Variants in ITPR1 observed in about 807,000 individuals in gnomAD.
ITPR1 encodes inositol 1,4,5-trisphosphate-gated calcium channel ITPR1.
A neutral mutation model predicts 318.4 loss-of-function variants in ITPR1; 96 were observed. That is an observed-to-expected ratio of 0.30 (90% confidence interval 0.26 to 0.36). The LOEUF (loss-of-function observed/expected upper bound fraction) is 0.36, where lower values mean the gene tolerates loss of function less well. Ranked by LOEUF, ITPR1 falls within the 10% of genes least tolerant of loss-of-function variation. ITPR1 has a pLI of 1.00. For synonymous variants in ITPR1, 1,312 were observed against 1,289.9 expected, an observed-to-expected ratio of 1.02 and a Z score of -0.37; for missense variants, 2,440 against 3,460.2, an observed-to-expected ratio of 0.71 and a Z score of 7.40.
rs368375036 is a variant in ITPR1 at position 4,758,754 on chromosome 3, C to T, written c.5545-7776C>T. On this transcript the variant is annotated intron_variant, in intron 44 of 61. Transcript: ENST00000649015. ...AGAGCGTGCCTGGAGAACTGGAAGT[C>T]GGGAAACCTAAATTATGGCCTTGGC... Among the ~76,000 whole-genome samples, 99 of 152,276 alleles carry T rather than the reference C, an allele frequency of 6.5e-4. 1 individual carries two copies. The highest frequency in any genetic ancestry group is 1.3e-3 in the African/African-American group (52 of 41,540).
chr3:4,684,718 C>T (rs1312327110), intron 29 of ITPR1, among the ~76,000 whole-genome samples: 1 of 152,214 alleles, frequency 6.6e-6, no homozygotes, highest in Non-Finnish European at 1.5e-5. Flanking sequence ...GAAACCTTTG[C>T]GTACGCTGGT....
chr3:4,684,328 C>T lies in ITPR1; in HGVS notation c.3546C>T (p.Asn1182=). ...AGCATGAAAGCACCAGCAGCTACAA[C>T]TACAGAGTGGTCAAAGAGGTAAGCT... is the stretch of plus-strand genomic sequence containing the variant. ...PQKHESTSSY[N]YRVVKEILIR... Residue 1182 remains asparagine (N), a synonymous_variant, in exon 29 of 62, where the codon AAC becomes AAT. Transcript: ENST00000649015. 6.2e-7 allele frequency: 1 copy of T among 1,612,636 alleles called. No individual in the cohort carries two copies. The highest frequency in any genetic ancestry group is 8.5e-7 in the Non-Finnish European group (1 of 1,179,070).
intron 52 of ITPR1, 69 bp downstream of exon 52, chr3:4,788,208 T>C (rs1026322255): frequency 8.0e-7 from 1 of 1,255,604 alleles, no homozygotes; most frequent in Non-Finnish European, 1.1e-6. Flanking sequence ...TTGGGCTTGA[T>C]GGTGCGTTCA....
intron 33 of ITPR1, among the ~76,000 whole-genome samples, chr3:4,694,023 G>T (rs1174526684): frequency 6.6e-6 from 1 of 152,210 alleles, no homozygotes; most frequent in Non-Finnish European, 1.5e-5. Flanking sequence ...GAGCAAAGGG[G>T]ATATGACCTG....
At chr3:4,762,317 G>T (rs565386899) in intron 44 of ITPR1, among the ~76,000 whole-genome samples, 9 of 152,188 alleles carry the variant, frequency 5.9e-5, no homozygotes, top group Admixed American at 2.6e-4. Context: ...GTTAGCTATC[G>T]TGTTACTGTA....
At chr3:4,555,985 G>A (rs952398050) in intron 4 of ITPR1, among the ~76,000 whole-genome samples, 8 of 152,156 alleles carry the variant, frequency 5.3e-5, no homozygotes, top group Non-Finnish European at 8.8e-5. Context: ...TAGACACTGC[G>A]TCGTGCTGTG....
intron 60 of ITPR1, among the ~76,000 whole-genome samples, chr3:4,829,783 G>T (rs886237365): frequency 2.6e-5 from 4 of 151,870 alleles, no homozygotes; most frequent in Admixed American, 2.6e-4. Context: ...CAAATGACAC[G>T]TATCCACCTT....
intron 5 of ITPR1, among the ~76,000 whole-genome samples, chr3:4,632,485 C>T (rs143290185): frequency 2.9e-4 from 44 of 152,272 alleles, no homozygotes; most frequent in Admixed American, 2.7e-3. Context: ...TACTTCCCTA[C>T]TGTCACTGCT....
chr3:4,610,350 T>C (rs1253435366), intron 4 of ITPR1, among the ~76,000 whole-genome samples: 1 of 151,872 alleles, frequency 6.6e-6, no homozygotes, highest in Non-Finnish European at 1.5e-5. Flanking sequence ...CACAAGCACT[T>C]AATAATTGTT....
At chr3:4,516,403 A>G in intron 2 of ITPR1, 73 bp from the exon 3 acceptor site, 1 of 784,824 alleles carries the variant, frequency 1.3e-6, no homozygotes, top group East Asian at 2.9e-5. Context: ...AGCTAAGCCA[A>G]CTCTTAGTGA....
At chr3:4,602,674 G>T (rs2091386353) in intron 4 of ITPR1, among the ~76,000 whole-genome samples, 1 of 152,140 alleles carries the variant, frequency 6.6e-6, no homozygotes, top group African/African-American at 2.4e-5. Flanking sequence ...ATATTATTCA[G>T]TCATAAAAAG....
intron 42 of ITPR1, among the ~76,000 whole-genome samples, chr3:4,729,432 A>G (rs377000609): frequency 1.3e-5 from 2 of 152,274 alleles, no homozygotes; most frequent in Admixed American, 6.5e-5. Context: ...TCCAGGCGCT[A>G]CCCTCATGCC....
intron 46 of ITPR1, among the ~76,000 whole-genome samples, chr3:4,773,433 TAA>T (rs1331049518): frequency 6.6e-6 from 1 of 152,252 alleles, no homozygotes; most frequent in Non-Finnish European, 1.5e-5. Context: ...TCAGATGTTA[TAA>T]GAGTTGCCTC....
At chr3:4,569,625 C>T (rs1042382704) in intron 4 of ITPR1, among the ~76,000 whole-genome samples, 2 of 152,136 alleles carry the variant, frequency 1.3e-5, no homozygotes, top group Non-Finnish European at 2.9e-5. Flanking sequence ...ATCATGGAAC[C>T]TATGATCTAA....
rs902000521 is a variant in ITPR1 at position 4,707,513 on chromosome 3, C to G, written c.4842+1162C>G. 2.0e-5 allele frequency among the ~76,000 whole-genome samples: 3 copies of G among 152,096 alleles called. 1 individual carries two copies. Among genetic ancestry groups the G allele is most frequent in the Non-Finnish European group, 4.4e-5 (3 of 68,018 alleles). On this transcript the variant is annotated intron_variant, in intron 37 of 61. Coordinates refer to ENST00000649015, the MANE Select transcript of ITPR1 (RefSeq NM_001378452.1). Reference sequence around the variant, plus strand: ...AGTGAAAACTTTATTGTTGTTATGACCTAGTTTCAGAAGTCACATAGCGTC... The same window carrying G: ...AGTGAAAACTTTATTGTTGTTATGAGCTAGTTTCAGAAGTCACATAGCGTC...
chr3:4,828,112 G>T (rs1019083474), intron 60 of ITPR1, among the ~76,000 whole-genome samples: 17 of 152,250 alleles, frequency 1.1e-4, no homozygotes, highest in African/African-American at 3.9e-4. Context: ...TTATTGGTGA[G>T]GATGTGTGTG....
intron 38 of ITPR1, 28 bp from the exon 39 acceptor site, chr3:4,711,729 A>G: frequency 8.4e-7 from 1 of 1,194,936 alleles, no homozygotes; most frequent in Non-Finnish European, 1.2e-6. Flanking sequence ...GCTTCAAGGA[A>G]GTAATCCGTG....
At chr3:4,719,572 G>C (rs1383130076) in intron 40 of ITPR1, among the ~76,000 whole-genome samples, 1 of 152,238 alleles carries the variant, frequency 6.6e-6, no homozygotes, top group Non-Finnish European at 1.5e-5. Context: ...TAAATGTGGT[G>C]GGGAAGAGCC....
At chr3:4,690,563 G>A (rs1230816432) in intron 31 of ITPR1, among the ~76,000 whole-genome samples, 1 of 152,166 alleles carries the variant, frequency 6.6e-6, no homozygotes, top group African/African-American at 2.4e-5. Flanking sequence ...CTCATACTTT[G>A]TGACCCAACA....
Sources: allele counts gnomAD v4.1 joint callset (sites outside exome capture counted in the v4.1 genomes callset), GRCh38; gene constraint gnomAD v4.1.1; transcripts MANE v1.5; gene names NCBI Gene and HGNC (gene_info 2026-07-23, HGNC 2026-07-21).